The following PHF24 variants were observed in gnomAD, a reference collection of about 807,000 sequenced individuals.
The protein encoded by PHF24 is PHD finger protein 24.
Under a neutral mutation model 42.6 loss-of-function variants are expected in PHF24, and 25 were observed. The observed-to-expected ratio is 0.59, with a 90% confidence interval of 0.43 to 0.82. PHF24 has a LOEUF of 0.82. Among genes scored for constraint, PHF24 ranks in the 40% least tolerant of loss-of-function variants. The pLI, the probability that PHF24 is intolerant of heterozygous loss-of-function variation, is 0.00. For missense variants in PHF24, 470 were observed against 538.1 expected (o/e 0.87, Z 1.25); for synonymous variants, 185 against 204.8 (o/e 0.90, Z 0.83).
chr9:34,939,792 A>AGT, the PHF24 span, among the ~76,000 whole-genome samples: 1 of 152,016 alleles, frequency 6.6e-6, no homozygotes, highest in African/African-American at 2.4e-5. Context: ...GTTCCCACAG[A>AGT]CCCTTCTTCC....
At chr9:34,695,045 G>A in the PHF24 span, among the ~76,000 whole-genome samples, 1 of 152,160 alleles carries the variant, frequency 6.6e-6, no homozygotes, top group African/African-American at 2.4e-5. Flanking sequence ...GTGGCTGGGG[G>A]CCTCTAGACA....
the PHF24 span, among the ~76,000 whole-genome samples, chr9:34,714,905 G>A: frequency 6.6e-6 from 1 of 152,260 alleles, no homozygotes; most frequent in African/African-American, 2.4e-5. Context: ...TGTTGTGTCA[G>A]ATGGTGTGCA....
chr9:34,708,688 A>G, the PHF24 span, among the ~76,000 whole-genome samples: 37 of 152,362 alleles, frequency 2.4e-4, no homozygotes, highest in Non-Finnish European at 4.4e-4. Flanking sequence ...TCTGAAGGTC[A>G]TGGAAAAGAT....
At position 34,977,034 on chromosome 9, in the gene PHF24, C is replaced by A. The variant is rs571664690; in HGVS notation, c.850-49C>A. ...GGAGATAGGATTCTCTATGGCTTGG[C>A]AGTTTACAAGATATCTTCACCTCTA... On this transcript the variant is annotated intron_variant, in intron 5 of 7. Transcript: ENST00000242315. The A allele has an allele frequency of 2.9e-4, 447 of 1,526,702 alleles. 1 individual carries two copies. Among genetic ancestry groups the A allele is most frequent in the Non-Finnish European group, 1.5e-4 (168 of 1,133,918 alleles). The allele number at this position is 1,526,702 out of a possible 1,614,324, so 94.6% of individuals were successfully genotyped here.
chr9:34,960,776 C>A (rs1289969346), intron 1 of PHF24, among the ~76,000 whole-genome samples: 1 of 152,110 alleles, frequency 6.6e-6, no homozygotes, highest in African/African-American at 2.4e-5. Context: ...ATTAAGATTT[C>A]AAAAATCCTA....
chr9:34,774,161 A>G, the PHF24 span, among the ~76,000 whole-genome samples: 18 of 152,318 alleles, frequency 1.2e-4, no homozygotes, highest in South Asian at 4.1e-4. Flanking sequence ...CATCAGGGAA[A>G]AATTTTATGA....
At chr9:34,728,854 G>C in the PHF24 span, among the ~76,000 whole-genome samples, 1 of 152,006 alleles carries the variant, frequency 6.6e-6, no homozygotes, top group Non-Finnish European at 1.5e-5. Context: ...TCACTTGGAG[G>C]CTTTTCCAAA....
the PHF24 span, among the ~76,000 whole-genome samples, chr9:34,705,151 T>C: frequency 2.6e-5 from 4 of 152,194 alleles, no homozygotes; most frequent in Non-Finnish European, 5.9e-5. Context: ...TTTACTGTAT[T>C]CACGAATAAG....
the PHF24 span, among the ~76,000 whole-genome samples, chr9:34,713,509 T>C: frequency 7.3e-6 from 1 of 137,212 alleles, no homozygotes; most frequent in Non-Finnish European, 1.5e-5. Context: ...CCACCCCCCC[T>C]GCTTGTTATA....
At chr9:34,850,947 G>A in the PHF24 span, among the ~76,000 whole-genome samples, 3 of 152,186 alleles carry the variant, frequency 2.0e-5, no homozygotes, top group Middle Eastern at 3.4e-3. Flanking sequence ...CTGTCTGATC[G>A]TTCCTCTGGA....
chr9:34,765,330 C>A, the PHF24 span, among the ~76,000 whole-genome samples: 52,100 of 143,654 alleles, frequency 0.36, 11,596 homozygotes, highest in East Asian at 0.58. Context: ...ATTGTGTGGG[C>A]GTCTAAGTCT....
the PHF24 span, among the ~76,000 whole-genome samples, chr9:34,934,586 A>G: frequency 1.1e-3 from 161 of 151,782 alleles, 1 homozygote; most frequent in Non-Finnish European, 1.9e-3. Flanking sequence ...GAAAAAAAAC[A>G]GGACCTCCTG....
At chr9:34,938,934 CAAAA>C in the PHF24 span, among the ~76,000 whole-genome samples, 6,373 of 63,270 alleles carry the variant, frequency 0.1, 157 homozygotes, top group South Asian at 0.19. Context: ...GAGACTCCAT[CAAAA>C]AAAAAAAAAA....
exon 2 of PHF24, chr9:34,971,667 C>T (rs1826994703): frequency 8.1e-6 from 13 of 1,609,050 alleles, no homozygotes; most frequent in Non-Finnish European, 1.1e-5. Flanking sequence ...GCCTGGAGCC[C>T]AGAGAGCCTG....
the PHF24 span, among the ~76,000 whole-genome samples, chr9:34,874,364 C>A: frequency 6.6e-6 from 1 of 152,112 alleles, no homozygotes; most frequent in African/African-American, 2.4e-5. Context: ...GCTAAAAACT[C>A]TCAATAAATT....
the PHF24 span, among the ~76,000 whole-genome samples, chr9:34,931,519 CT>C: frequency 1.3e-5 from 2 of 151,870 alleles, no homozygotes; most frequent in African/African-American, 4.8e-5. Flanking sequence ...GATATCATCA[CT>C]AAAGAACTCA....
the PHF24 span, among the ~76,000 whole-genome samples, chr9:34,840,905 C>T: frequency 1.3e-5 from 2 of 152,070 alleles, no homozygotes; most frequent in African/African-American, 2.4e-5. Context: ...AAAATTCCTT[C>T]TAGTGAAATT....
At chr9:34,885,340 G>T in the PHF24 span, among the ~76,000 whole-genome samples, 1 of 152,138 alleles carries the variant, frequency 6.6e-6, no homozygotes, top group Admixed American at 6.5e-5. Context: ...TATGCTTAAC[G>T]CTGAGGTCCT....
the PHF24 span, among the ~76,000 whole-genome samples, chr9:34,933,179 A>G: frequency 1.3e-5 from 2 of 152,104 alleles, no homozygotes; most frequent in Admixed American, 6.5e-5. Flanking sequence ...AATGCCTGAT[A>G]AGTAGTAGTC....
Sources: allele counts gnomAD v4.1 joint callset (sites outside exome capture counted in the v4.1 genomes callset), GRCh38; gene constraint gnomAD v4.1.1; transcripts MANE v1.5; gene names NCBI Gene and HGNC (gene_info 2026-07-23, HGNC 2026-07-21).